The following SSPN variants were observed in gnomAD, a reference collection of about 807,000 sequenced individuals.
SSPN encodes sarcospan, also known as K-ras oncogene-associated protein.
SSPN carries 15 observed loss-of-function variants against 19.1 expected under a neutral mutation model. That is an observed-to-expected ratio of 0.78 (90% CI 0.52 to 1.21). SSPN has a LOEUF of 1.21. SSPN is among the 50% of genes most tolerant of loss of function. SSPN has a pLI of 0.00. For missense variants in SSPN, 291 were observed against 314.0 expected, an observed-to-expected ratio of 0.93 and a Z score of 0.55; for synonymous variants, 147 against 140.3, an observed-to-expected ratio of 1.05 and a Z score of -0.34.
chr12:26,200,851 TTA>T (rs1944870632), intron 1 of SSPN, among the ~76,000 whole-genome samples: 1 of 151,464 alleles, frequency 6.6e-6, no homozygotes, highest in Non-Finnish European at 1.5e-5. Flanking sequence ...CACAGGATTG[TTA>T]GGAACTGAGG....
chr12:26,122,605 G>C, intron 1 of SSPN: 1 of 1,124,334 alleles, frequency 8.9e-7, no homozygotes, highest in East Asian at 4.8e-5. Context: ...GGCCCCAGAA[G>C]CGCGGCTGCC....
rs530215890 is a variant in SSPN at position 26,216,039 on chromosome 12, G to C, written c.280-8254G>C. ...GCATTCTTGAGATGATTAAATGCAA[G>C]AATACATGTCAAGTGTTCAGCACGG... On this transcript the variant is annotated intron_variant, in intron 1 of 2. Transcript: ENST00000242729. 4.5e-3 allele frequency among the ~76,000 whole-genome samples: 683 copies of C among 152,250 alleles called. 7 individuals are homozygous for C. The highest frequency in any genetic ancestry group is 4.7e-3 in the Non-Finnish European group (321 of 68,018).
At chr12:26,216,756 G>A (rs1302248600) in intron 1 of SSPN, among the ~76,000 whole-genome samples, 2 of 126,224 alleles carry the variant, frequency 1.6e-5, no homozygotes, top group Non-Finnish European at 1.6e-5. Context: ...TTTGTATAAG[G>A]TGTAAGGAAG....
intron 1 of SSPN, among the ~76,000 whole-genome samples, chr12:26,163,361 T>C (rs1365493710): frequency 6.6e-6 from 1 of 152,236 alleles, no homozygotes; most frequent in South Asian, 2.1e-4. Context: ...ATTGGGTGAA[T>C]GTCTAGCACA....
At position 26,232,420 on chromosome 12, in the gene SSPN, G is replaced by C. The variant is rs1026408440; in HGVS notation, c.*1344G>C. 25 of 985,232 alleles carry C rather than the reference G, an allele frequency of 2.5e-5. No individual in the cohort carries two copies. The African/African-American group carries it at 3.8e-4, about 15-fold the overall frequency. The allele number at this position is 985,232 out of a possible 1,614,324, so 61.0% of individuals were successfully genotyped here. A position where few individuals can be genotyped will look rare whatever the true frequency, so the allele number is the denominator to read the frequency against. ...GAACTGTATCCATATTTTAAGGAAG[G>C]AGCTAAAAATGGAAATTCATGAAAC... On this transcript the variant is annotated 3_prime_UTR_variant, in exon 3 of 3. Coordinates refer to ENST00000242729, the MANE Select transcript of SSPN (RefSeq NM_005086.5).
At chr12:26,144,878 T>G (rs563179107) in intron 1 of SSPN, among the ~76,000 whole-genome samples, 47 of 152,360 alleles carry the variant, frequency 3.1e-4, no homozygotes, top group African/African-American at 1.1e-3. Flanking sequence ...ATATTAAAAG[T>G]TATGAGTTGG....
intron 1 of SSPN, among the ~76,000 whole-genome samples, chr12:26,127,631 TTTC>T (rs1315249325): frequency 1.3e-5 from 2 of 152,222 alleles, no homozygotes; most frequent in Non-Finnish European, 2.9e-5. Flanking sequence ...CCCTTTTTCA[TTTC>T]TTCTTTATCT....
chr12:26,164,056 C>T (rs1944606004), intron 1 of SSPN, among the ~76,000 whole-genome samples: 1 of 152,192 alleles, frequency 6.6e-6, no homozygotes, highest in African/African-American at 2.4e-5. Flanking sequence ...TGTAGTTAAT[C>T]TTAAATCTCA....
intron 1 of SSPN, among the ~76,000 whole-genome samples, chr12:26,151,911 A>T (rs1287907941): frequency 2.6e-5 from 4 of 152,240 alleles, no homozygotes; most frequent in African/African-American, 7.2e-5. Flanking sequence ...TAATTTAACC[A>T]TTGCTTTTGG....
At chr12:26,152,368 C>T (rs2343075) in intron 1 of SSPN, among the ~76,000 whole-genome samples, 123,769 of 152,134 alleles carry the variant, frequency 0.81, 53,997 homozygotes, top group Non-Finnish European at 0.96. Context: ...TTTAGGCATG[C>T]GTTACTTTTG....
At chr12:26,200,591 G>A (rs1368033918) in intron 1 of SSPN, among the ~76,000 whole-genome samples, 1 of 152,100 alleles carries the variant, frequency 6.6e-6, no homozygotes, top group African/African-American at 2.4e-5. Flanking sequence ...TCATGGTTAT[G>A]AAAAGTAACT....
intron 1 of SSPN, among the ~76,000 whole-genome samples, chr12:26,182,589 CTT>C (rs1944725922): frequency 3.8e-4 from 13 of 34,166 alleles, no homozygotes; most frequent in Admixed American, 2.4e-3. Flanking sequence ...TTCCCCTTCC[CTT>C]CCCTTCCCTT....
chr12:26,151,803 A>G (rs1565673071), intron 1 of SSPN, among the ~76,000 whole-genome samples: 3 of 152,140 alleles, frequency 2.0e-5, no homozygotes, highest in Non-Finnish European at 4.4e-5. Flanking sequence ...TATATCTTAA[A>G]ATTTTGTCCA....
chr12:26,180,865 G>A (rs1258380516), intron 1 of SSPN: 4 of 152,070 alleles, frequency 2.6e-5, no homozygotes, highest in African/African-American at 9.7e-5. Context: ...CATATGGAGG[G>A]AAGCAAAAAA....
chr12:26,231,196 G>T lies in SSPN; in HGVS notation c.*120G>T. On this transcript the variant is annotated 3_prime_UTR_variant, in exon 3 of 3. Transcript: ENST00000242729. ...GACAATAAAAGTCACTCTTCTAATT[G>T]AATATTTTTATATTTTTATGAAACA... is the stretch of plus-strand genomic sequence containing the variant. 7.8e-7 allele frequency: 1 copy of T among 1,286,250 alleles called. No individual in the cohort carries two copies. Among genetic ancestry groups the T allele is most frequent in the South Asian group, 1.9e-5 (1 of 51,612 alleles). The allele number at this position is 1,286,250 out of a possible 1,614,324, so 79.7% of individuals were successfully genotyped here.
intron 1 of SSPN, among the ~76,000 whole-genome samples, chr12:26,178,602 G>T (rs1046504969): frequency 6.6e-6 from 1 of 152,100 alleles, no homozygotes; most frequent in Non-Finnish European, 1.5e-5. Flanking sequence ...AAATTTGGGG[G>T]GCAGAGATAT....
At chr12:26,140,263 A>G (rs1172576565) in intron 1 of SSPN, among the ~76,000 whole-genome samples, 2 of 152,174 alleles carry the variant, frequency 1.3e-5, no homozygotes, top group East Asian at 1.9e-4. Flanking sequence ...TCCAGTCTTC[A>G]TCATTCTCAG....
intron 1 of SSPN, among the ~76,000 whole-genome samples, chr12:26,127,464 GC>G (rs1944373210): frequency 6.6e-6 from 1 of 151,780 alleles, no homozygotes; most frequent in African/African-American, 2.4e-5. Context: ...CATCCTTTCT[GC>G]CCCAAGCTTC....
Position 26,124,060 on chromosome 12 carries a change from T to C in SSPN, c.-31+1908T>C, listed in dbSNP as rs750255371. 2.6e-6 allele frequency: 4 copies of C among 1,547,364 alleles called. No homozygotes were observed. The African/African-American group carries it at 5.4e-5, about 21-fold the overall frequency. ...CTTGGAGAGCAGCAAAGAATGAAAA[T>C]GTGCATCTTACTGTCAATTTCAGAT... On this transcript the variant is annotated intron_variant, in intron 1 of 2. Coordinates refer to the SSPN transcript ENST00000538142.
Sources: allele counts gnomAD v4.1 joint callset (sites outside exome capture counted in the v4.1 genomes callset), GRCh38; gene constraint gnomAD v4.1.1; transcripts MANE v1.5; gene names NCBI Gene and HGNC (gene_info 2026-07-23, HGNC 2026-07-21).